TMEM132D: variants seen among roughly 807,000 people sequenced by gnomAD.
TMEM132D encodes the protein transmembrane protein 132D.
A neutral mutation model predicts 62.3 loss-of-function variants in TMEM132D; 21 were observed. The observed-to-expected ratio is 0.34, with a 90% confidence interval of 0.24 to 0.49. TMEM132D has a LOEUF of 0.49. Ranked by LOEUF, TMEM132D falls within the 20% of genes least tolerant of loss-of-function variation. The pLI is 0.99. For missense variants in TMEM132D, 1,346 were observed against 1,402.8 expected, an observed-to-expected ratio of 0.96 and a Z score of 0.65; for synonymous variants, 621 against 575.6, an observed-to-expected ratio of 1.08 and a Z score of -1.13.
At chr12:129,358,441 A>T (rs1239596386) in intron 3 of TMEM132D, among the ~76,000 whole-genome samples, 1 of 152,196 alleles carries the variant, frequency 6.6e-6, no homozygotes, top group Non-Finnish European at 1.5e-5. Context: ...CTCCACGTGC[A>T]GCGACATTAC....
chr12:129,636,035 C>A (rs1300273489), intron 2 of TMEM132D, among the ~76,000 whole-genome samples: 2 of 152,204 alleles, frequency 1.3e-5, no homozygotes, highest in African/African-American at 4.8e-5. Context: ...GAGCTGGAAT[C>A]AATAGAAAGT....
At chr12:129,390,023 G>T (rs937162385) in intron 3 of TMEM132D, among the ~76,000 whole-genome samples, 2 of 152,208 alleles carry the variant, frequency 1.3e-5, no homozygotes, top group African/African-American at 2.4e-5. Context: ...GCGCACACTG[G>T]CGTTTTGTTG....
intron 5 of TMEM132D, among the ~76,000 whole-genome samples, chr12:129,206,512 A>G (rs114101421): frequency 0.015 from 2,308 of 152,332 alleles, 40 homozygotes; most frequent in African/African-American, 0.051. Context: ...TGGGAATGCA[A>G]ATTAGTTCAG....
At chr12:129,492,904 C>T (rs375360445) in intron 3 of TMEM132D, among the ~76,000 whole-genome samples, 10 of 152,262 alleles carry the variant, frequency 6.6e-5, no homozygotes, top group African/African-American at 1.4e-4. Flanking sequence ...CGAGAACTTT[C>T]GCTGGGATGG....
At chr12:129,804,061 CAA>C (rs960793853) in intron 1 of TMEM132D, among the ~76,000 whole-genome samples, 1 of 83,060 alleles carries the variant, frequency 1.2e-5, no homozygotes, top group African/African-American at 4.1e-5. Context: ...GCTTACCAAC[CAA>C]AAAGAGTCCA....
In TMEM132D at chr12:129,412,951, G is replaced by C. The variant is rs535428903; in HGVS notation, c.1116-75134C>G. Among the ~76,000 whole-genome samples the C allele has an allele frequency of 3.9e-5, 6 of 152,304 alleles. No individual in the cohort carries two copies. In the South Asian group the frequency reaches 1.2e-3, roughly 32 times the overall value. On this transcript the variant is annotated intron_variant, in intron 3 of 8. Transcript: ENST00000422113. Reference sequence around the variant, plus strand: ...CCTCCAATGACATTGAGGAACTCATGTGCCCGTTCTGAGCAGTCCTCACCT... The same window carrying C: ...CCTCCAATGACATTGAGGAACTCATCTGCCCGTTCTGAGCAGTCCTCACCT...
At chr12:129,406,597 G>A (rs559744404) in intron 3 of TMEM132D, among the ~76,000 whole-genome samples, 5 of 149,620 alleles carry the variant, frequency 3.3e-5, no homozygotes, top group Non-Finnish European at 7.4e-5. Context: ...TCCAGCCTGG[G>A]CAACAGAGCG....
chr12:129,723,213 T>C (rs968571053), intron 1 of TMEM132D, among the ~76,000 whole-genome samples: 2 of 152,240 alleles, frequency 1.3e-5, no homozygotes, highest in Admixed American at 6.5e-5. Flanking sequence ...AATATGTTTT[T>C]AATGCTTCCC....
intron 1 of TMEM132D, among the ~76,000 whole-genome samples, chr12:129,754,808 C>A (rs2137270186): frequency 6.6e-6 from 1 of 152,240 alleles, no homozygotes; most frequent in East Asian, 1.9e-4. Flanking sequence ...ACAGTCTAGA[C>A]AAAGACTCAG....
intron 2 of TMEM132D, among the ~76,000 whole-genome samples, chr12:129,689,452 A>G (rs531641726): frequency 2.0e-5 from 3 of 152,142 alleles, no homozygotes; most frequent in Non-Finnish European, 2.9e-5. Flanking sequence ...TCTCTAAGTG[A>G]ACACAAGCAT....
At chr12:129,363,718 T>A (rs533891398) in intron 3 of TMEM132D, among the ~76,000 whole-genome samples, 9 of 152,236 alleles carry the variant, frequency 5.9e-5, no homozygotes, top group Non-Finnish European at 1.3e-4. Context: ...GTGCTCAAGG[T>A]CTGAGGTTGA....
At chr12:129,531,649 A>T (rs373540815) in intron 2 of TMEM132D, among the ~76,000 whole-genome samples, 3 of 152,180 alleles carry the variant, frequency 2.0e-5, no homozygotes, top group African/African-American at 7.2e-5. Flanking sequence ...CACTGTGTCT[A>T]TATTATCTGA....
Position 129,615,534 on chromosome 12 carries a change from C to T in TMEM132D, c.968+84276G>A, listed in dbSNP as rs149650665. 4.1e-5 allele frequency among the ~76,000 whole-genome samples: 6 copies of T among 147,306 alleles called. No individual in the cohort carries two copies. In the East Asian group the frequency reaches 9.9e-4, roughly 24 times the overall value. On this transcript the variant is annotated intron_variant, in intron 2 of 8. Coordinates refer to ENST00000422113, the MANE Select transcript of TMEM132D (RefSeq NM_133448.3). Reference sequence around the variant, plus strand: ...GGGAGGCCAGTGTGAGAGGATTGTTCGAGCCCAGGAGTTTGGGATCAGCAT... The same window carrying T: ...GGGAGGCCAGTGTGAGAGGATTGTTTGAGCCCAGGAGTTTGGGATCAGCAT...
At chr12:129,172,276 C>G (rs981159769) in intron 5 of TMEM132D, among the ~76,000 whole-genome samples, 4 of 152,258 alleles carry the variant, frequency 2.6e-5, no homozygotes, top group Non-Finnish European at 5.9e-5. Context: ...GGCTTTGGCT[C>G]AAGGGAATGT....
chr12:129,524,895 C>T (rs1325236373), intron 3 of TMEM132D, among the ~76,000 whole-genome samples: 1 of 144,840 alleles, frequency 6.9e-6, no homozygotes, highest in African/African-American at 2.6e-5. Flanking sequence ...CTCAGAAAAA[C>T]ATTTTATTAT....
chr12:129,130,845 T>C (rs79089422), intron 5 of TMEM132D, among the ~76,000 whole-genome samples: 1 of 152,240 alleles, frequency 6.6e-6, no homozygotes, highest in African/African-American at 2.4e-5. Flanking sequence ...CATGCTTCGA[T>C]GCTGACCAAA....
At chr12:129,607,189 T>G (rs1441207857) in intron 2 of TMEM132D, among the ~76,000 whole-genome samples, 1 of 152,106 alleles carries the variant, frequency 6.6e-6, no homozygotes, top group Non-Finnish European at 1.5e-5. Flanking sequence ...CCATCACAGT[T>G]TATTATAGCG....
At chr12:129,414,863 C>T (rs1872069515) in intron 3 of TMEM132D, among the ~76,000 whole-genome samples, 1 of 152,170 alleles carries the variant, frequency 6.6e-6, no homozygotes, top group East Asian at 1.9e-4. Flanking sequence ...CTATTCTACT[C>T]TCTGTTTCTG....
chr12:129,513,963 G>C (rs186105407), intron 3 of TMEM132D, among the ~76,000 whole-genome samples: 46 of 150,406 alleles, frequency 3.1e-4, no homozygotes, highest in Middle Eastern at 3.5e-3. Context: ...TCAGCCTCCC[G>C]AGTAGCTGGG....
Sources: allele counts gnomAD v4.1 joint callset (sites outside exome capture counted in the v4.1 genomes callset), GRCh38; gene constraint gnomAD v4.1.1; transcripts MANE v1.5; gene names NCBI Gene and HGNC (gene_info 2026-07-23, HGNC 2026-07-21).